Variants in MOCS2 observed in about 807,000 individuals in gnomAD.
MOCS2 encodes molybdopterin synthase catalytic subunit.
A neutral mutation model predicts 21.9 loss-of-function variants in MOCS2; 13 were observed. The ratio of observed to expected loss-of-function variants is 0.59; its 90% CI spans 0.39 to 0.94. The LOEUF (loss-of-function observed/expected upper bound fraction) is 0.94, where lower values mean the gene tolerates loss of function less well. MOCS2 is among the 40% of genes least tolerant of loss of function. The probability of loss-of-function intolerance (pLI) is 0.00; values close to 1 mark genes in which losing one functional copy is unlikely to be tolerated. For missense variants in MOCS2, 227 were observed against 218.3 expected, an observed-to-expected ratio of 1.04 and a Z score of -0.25; for synonymous variants, 92 against 80.8, an observed-to-expected ratio of 1.14 and a Z score of -0.74.
At chr5:53,099,492 A>G (rs76149823) in intron 6 of MOCS2, among the ~76,000 whole-genome samples, 21,399 of 152,160 alleles carry the variant, frequency 0.14, 1,614 homozygotes, top group Middle Eastern at 0.2. Context: ...GCAAGGGAAC[A>G]ATATATCTGA....
chr5:53,099,486 G>A (rs965010256), intron 6 of MOCS2, among the ~76,000 whole-genome samples: 7 of 152,150 alleles, frequency 4.6e-5, no homozygotes, highest in African/African-American at 1.7e-4. Flanking sequence ...TTCACAGCAA[G>A]GGAACAATAT....
intron 1 of MOCS2, 82 bp from the exon 2 acceptor site, chr5:53,108,725 A>G (rs2112093288): frequency 1.4e-6 from 2 of 1,419,674 alleles, no homozygotes; most frequent in Non-Finnish European, 1.9e-6. Context: ...TCATTTTCCA[A>G]ATGTATTGCT....
chr5:53,100,348 T>C, intron 6 of MOCS2, 63 bp downstream of exon 6: 14 of 1,587,182 alleles, frequency 8.8e-6, no homozygotes, highest in Non-Finnish European at 1.2e-5. Context: ...TGGGGGGATT[T>C]ATCTAAAAAT....
At chr5:53,100,096 T>C (rs1431263535) in intron 6 of MOCS2, among the ~76,000 whole-genome samples, 1 of 152,180 alleles carries the variant, frequency 6.6e-6, no homozygotes, top group East Asian at 1.9e-4. Flanking sequence ...AATGCATTAT[T>C]CTCACTCTCC....
rs1256387897 is a variant in MOCS2 at position 53,097,668 on chromosome 5, A to G, written c.*934T>C. The G allele has an allele frequency of 6.6e-6, 1 of 152,232 alleles. No homozygotes were observed. The highest frequency in any genetic ancestry group is 2.4e-5 in the African/African-American group (1 of 41,460). The allele number at this position is 152,232 out of a possible 1,614,324, so 9.4% of individuals were successfully genotyped here. A position where few individuals can be genotyped will look rare whatever the true frequency, so the allele number is the denominator to read the frequency against. ...ACTATGTGAGCTGAGGAATATGTTA[A>G]TTAGTTGGATTATGGTAATCACCTC... On this transcript the variant is annotated 3_prime_UTR_variant, in exon 7 of 7. Coordinates refer to ENST00000396954, the MANE Select transcript of MOCS2 (RefSeq NM_004531.5).
intron 3 of MOCS2, among the ~76,000 whole-genome samples, chr5:53,103,268 C>T (rs1219291898): frequency 1.3e-5 from 2 of 152,084 alleles, no homozygotes; most frequent in South Asian, 2.1e-4. Flanking sequence ...TGTCTCAATG[C>T]CAATATATTC....
Position 53,096,750 on chromosome 5 carries a change from AAC to A in MOCS2, c.*1850_*1851del, listed in dbSNP as rs1299998960. ...TCTCTGTTGGAGACTTTAAAAGCAT[AAC>A]AGTCTCAGTTCCAAACTTAGAATAA... On this transcript the variant is annotated 3_prime_UTR_variant, in exon 7 of 7. Transcript: ENST00000396954. 6.6e-6 allele frequency: 1 copy of A among 152,242 alleles called. No individual in the cohort carries two copies. Among genetic ancestry groups the A allele is most frequent in the Non-Finnish European group, 1.5e-5 (1 of 68,052 alleles). 9.4% of individuals were successfully genotyped at this position (152,242 alleles called of 1,614,324 possible).
intron 3 of MOCS2, among the ~76,000 whole-genome samples, chr5:53,103,237 C>T (rs1446435268): frequency 5.9e-5 from 9 of 152,162 alleles, no homozygotes; most frequent in African/African-American, 2.2e-4. Flanking sequence ...CCATTATTAA[C>T]ATGATCACTA....
At chr5:53,108,500 C>A in intron 2 of MOCS2, 22 bp downstream of exon 2, 1 of 1,604,380 alleles carries the variant, frequency 6.2e-7, no homozygotes, top group East Asian at 2.2e-5. Context: ...TACTCATATG[C>A]ATTCTACAAA....
chr5:53,106,952 G>C, intron 3 of MOCS2, 125 bp downstream of exon 3: 1 of 1,006,672 alleles, frequency 9.9e-7, no homozygotes, highest in South Asian at 1.6e-5. Context: ...AAGAGTTGCT[G>C]CATCAATAAA....
chr5:53,109,547 CCGGGGG>C lies in MOCS2; in HGVS notation c.-472_-467del, dbSNP rs142643273. 4.1e-5 allele frequency: 55 copies of C among 1,342,614 alleles called. 1 individual carries two copies. The highest frequency in any genetic ancestry group is 2.2e-4 in the South Asian group (13 of 59,350). 83.2% of individuals were successfully genotyped at this position (1,342,614 alleles called of 1,614,324 possible). On this transcript the variant is annotated 5_prime_UTR_variant, in exon 1 of 7. Transcript: ENST00000396954. ...AGTAAAGCCCGGAGACAGGAAGGGCCCGGGGGCGGGGGCGGGGGCGCCCCCGAACCC... is the reference window on the plus strand; with the variant it reads ...AGTAAAGCCCGGAGACAGGAAGGGCCCGGGGGCGGGGGCGCCCCCGAACCC...
At chr5:53,102,063 T>C (rs1195910344) in intron 4 of MOCS2, 34 bp downstream of exon 4, 4 of 1,605,388 alleles carry the variant, frequency 2.5e-6, no homozygotes, top group Admixed American at 1.7e-5. Context: ...TATTGTCTTA[T>C]ACAGTGATAG....
intron 6 of MOCS2, 29 bp downstream of exon 6, chr5:53,100,382 T>C: frequency 6.2e-7 from 1 of 1,613,094 alleles, no homozygotes; most frequent in South Asian, 1.1e-5. Flanking sequence ...CAGGTCCACA[T>C]GCTAAAATGT....
intron 3 of MOCS2, among the ~76,000 whole-genome samples, chr5:53,104,679 T>A (rs896430400): frequency 6.6e-6 from 1 of 152,144 alleles, no homozygotes; most frequent in African/African-American, 2.4e-5. Context: ...AGATTGATTC[T>A]TCATTTCTTG....
chr5:53,099,895 A>G (rs942122142), intron 6 of MOCS2, among the ~76,000 whole-genome samples: 1 of 152,280 alleles, frequency 6.6e-6, no homozygotes, highest in East Asian at 1.9e-4. Flanking sequence ...TGCTCTATTT[A>G]ACCAGAGAAT....
chr5:53,109,469 C>G lies in MOCS2; in HGVS notation c.-388G>C. On this transcript the variant is annotated 5_prime_UTR_variant, in exon 1 of 7. Transcript: ENST00000396954. ...TTCAGAACGAGTCCGTCCTTGCTGC[C>G]GTGAGCTGACAAGAGTTCTCGGAGA... 7.7e-7 allele frequency: 1 copy of G among 1,304,408 alleles called. No individual in the cohort carries two copies. Among genetic ancestry groups the G allele is most frequent in the South Asian group, 2.4e-5 (1 of 41,350 alleles). 80.8% of individuals were successfully genotyped at this position (1,304,408 alleles called of 1,614,324 possible).
intron 2 of MOCS2, chr5:53,107,919 C>G (rs1428233201): frequency 6.6e-6 from 1 of 152,272 alleles, no homozygotes; most frequent in Non-Finnish European, 1.5e-5. Context: ...TTACACAGAA[C>G]TAGGACTTCC....
chr5:53,101,178 T>A, intron 5 of MOCS2, 181 bp downstream of exon 5: 1 of 682,638 alleles, frequency 1.5e-6, no homozygotes, highest in South Asian at 1.8e-5. Context: ...TCTCCCAATA[T>A]CAAAACTCAC....
At chr5:53,108,749 A>C in intron 1 of MOCS2, 106 bp from the exon 2 acceptor site, 1 of 1,149,454 alleles carries the variant, frequency 8.7e-7, no homozygotes, top group South Asian at 1.7e-5. Flanking sequence ...ATCAAAGACA[A>C]ATTTTATAAA....
Sources: gnomAD v4.1 joint callset for allele counts (sites outside exome capture counted in the v4.1 genomes callset) on GRCh38, gnomAD v4.1.1 for gene constraint, MANE v1.5 for transcripts, NCBI Gene and HGNC (gene_info 2026-07-23, HGNC 2026-07-21) for gene names.